MIB1: variants seen among roughly 807,000 people sequenced by gnomAD.
MIB1 encodes E3 ubiquitin-protein ligase MIB1.
MIB1 carries 278 observed loss-of-function variants against 124.5 expected under a neutral mutation model. That is an observed-to-expected ratio of 2.23 (90% confidence interval 2.02 to 2.47). MIB1 has a LOEUF of 2.47. MIB1 is among the 30% of genes most tolerant of loss of function. The probability of loss-of-function intolerance (pLI) is 0.00; values close to 1 mark genes in which losing one functional copy is unlikely to be tolerated. For missense variants in MIB1, 957 were observed against 1,254.4 expected, an observed-to-expected ratio of 0.76 and a Z score of 3.58; for synonymous variants, 446 against 429.4, an observed-to-expected ratio of 1.04 and a Z score of -0.48.
chr18:21,863,193 A>T (rs557254742), intron 20 of MIB1, among the ~76,000 whole-genome samples: 1 of 152,206 alleles, frequency 6.6e-6, no homozygotes, highest in Non-Finnish European at 1.5e-5. Context: ...TGCGACTCCA[A>T]AGCCCCTGAG....
At chr18:21,840,698 G>C (rs2042080622) in intron 13 of MIB1, among the ~76,000 whole-genome samples, 1 of 148,182 alleles carries the variant, frequency 6.7e-6, no homozygotes, top group Non-Finnish European at 1.5e-5. Flanking sequence ...TGGGTGTGGT[G>C]GCATGTGCCT....
chr18:21,717,416 G>C (rs928987694), intron 1 of MIB1, among the ~76,000 whole-genome samples: 2 of 152,148 alleles, frequency 1.3e-5, no homozygotes, highest in African/African-American at 4.8e-5. Flanking sequence ...AAACTAAAGA[G>C]CTTTTGCACA....
chr18:21,750,503 A>G (rs2040962546), intron 1 of MIB1, among the ~76,000 whole-genome samples: 2 of 151,856 alleles, frequency 1.3e-5, no homozygotes, highest in Admixed American at 1.3e-4. Flanking sequence ...AACTTTTCAT[A>G]TTTTTAGTAG....
At chr18:21,846,259 T>C (rs2042133553) in intron 15 of MIB1, among the ~76,000 whole-genome samples, 1 of 152,202 alleles carries the variant, frequency 6.6e-6, no homozygotes, top group African/African-American at 2.4e-5. Context: ...ATGGGTAAGT[T>C]CTCTTAGCTC....
Position 21,791,335 on chromosome 18 carries a change from C to T in MIB1, c.909-39C>T, listed in dbSNP as rs111641172. On this transcript the variant is annotated intron_variant, in intron 6 of 20. Coordinates refer to ENST00000261537, the MANE Select transcript of MIB1 (RefSeq NM_020774.4). ...TTAAGAATTTTGTATTAAAATTAAG[C>T]AAAGCTACCCATTTTGAGGTTTAGC... 134 of 1,521,246 alleles carry T rather than the reference C, an allele frequency of 8.8e-5. 2 individuals carry two copies. The African/African-American group carries it at 1.6e-3, about 18-fold the overall frequency. The allele number at this position is 1,521,246 out of a possible 1,614,324, so 94.2% of individuals were successfully genotyped here.
intron 10 of MIB1, among the ~76,000 whole-genome samples, chr18:21,807,117 A>T (rs1330675232): frequency 6.6e-6 from 1 of 152,208 alleles, no homozygotes; most frequent in Non-Finnish European, 1.5e-5. Flanking sequence ...AGGAAAAACT[A>T]TATTGAAAAA....
chr18:21,759,557 A>T (rs535859020), intron 1 of MIB1, among the ~76,000 whole-genome samples: 5 of 152,192 alleles, frequency 3.3e-5, no homozygotes, highest in Admixed American at 2.0e-4. Flanking sequence ...TTCCATATTT[A>T]AAAAAATTCA....
At chr18:21,722,453 C>T (rs2040720045) in intron 1 of MIB1, among the ~76,000 whole-genome samples, 1 of 152,004 alleles carries the variant, frequency 6.6e-6, no homozygotes, top group Admixed American at 6.6e-5. Flanking sequence ...TCACTGCAAC[C>T]TCCACCTCCT....
Position 21,815,619 on chromosome 18 carries a change from A to G in MIB1, c.1483A>G (p.Lys495Glu), listed in dbSNP as rs2041822494. 6.2e-7 allele frequency: 1 copy of G among 1,613,248 alleles called. No individual in the cohort carries two copies. The highest frequency in any genetic ancestry group is 1.3e-5 in the African/African-American group (1 of 74,918). The change falls in exon 11 of 21, where the codon AAA becomes GAA. Residue 495 changes from lysine to glutamate, a missense_variant. By Grantham distance (56) the Lys-to-Glu change is moderately conservative (BLOSUM62 1). Coordinates refer to ENST00000261537, the MANE Select transcript of MIB1 (RefSeq NM_020774.4). ...ACATTTCAATACTAATGATTAGGAT[A>G]AAGATGGTGATAGAGCAGTTCACCA... Reference protein sequence around the residue: ...KQNVDVEAEDKDGDRAVHHAA... With the variant: ...KQNVDVEAEDEDGDRAVHHAA...
intron 12 of MIB1, among the ~76,000 whole-genome samples, chr18:21,822,802 T>C (rs1300882886): frequency 6.6e-6 from 1 of 152,198 alleles, no homozygotes; most frequent in Non-Finnish European, 1.5e-5. Context: ...TTTTGGCCTT[T>C]ATACTATAGA....
At chr18:21,830,574 A>G (rs2146491466) in intron 12 of MIB1, 1 of 152,316 alleles carries the variant, frequency 6.6e-6, no homozygotes, top group Non-Finnish European at 1.5e-5. Context: ...GCATGCAGAA[A>G]GTCATAAGCA....
At chr18:21,856,957 G>C (rs1415761529) in intron 18 of MIB1, among the ~76,000 whole-genome samples, 173 bp from the exon 19 acceptor site, 1 of 152,212 alleles carries the variant, frequency 6.6e-6, no homozygotes, top group Non-Finnish European at 1.5e-5. Flanking sequence ...GCTACCGATG[G>C]AGAATACTCA....
chr18:21,773,898 G>A (rs1395847102), intron 4 of MIB1, among the ~76,000 whole-genome samples, 170 bp downstream of exon 4: 2 of 152,096 alleles, frequency 1.3e-5, no homozygotes, highest in African/African-American at 4.8e-5. Context: ...TTAGTTTAAT[G>A]TTTGAGTACC....
chr18:21,757,250 G>T (rs574670621), intron 1 of MIB1, among the ~76,000 whole-genome samples: 1 of 151,408 alleles, frequency 6.6e-6, no homozygotes, highest in Non-Finnish European at 1.5e-5. Context: ...TCAGGAGTTC[G>T]AGACCAGCCT....
chr18:21,734,782 G>C lies in MIB1; in HGVS notation n.167+29659G>C, dbSNP rs151009835. 2.9e-3 allele frequency among the ~76,000 whole-genome samples: 436 copies of C among 152,180 alleles called. 1 individual carries two copies. The highest frequency in any genetic ancestry group is 9.5e-3 in the African/African-American group (396 of 41,504). On this transcript the variant is annotated intron_variant and non_coding_transcript_variant, in intron 1 of 20. Transcript: ENST00000578646. The stretch of plus-strand genomic sequence containing the variant: ...GACCTCAAATGATCCATCCGCCTCG[G>C]CCTCCCACAGTGCTGGGATTACAGG...
At chr18:21,709,103 T>C (rs1221463717) in intron 1 of MIB1, among the ~76,000 whole-genome samples, 2 of 151,956 alleles carry the variant, frequency 1.3e-5, no homozygotes, top group African/African-American at 4.8e-5. Context: ...GATCACGAGG[T>C]CAGGAGATCG....
chr18:21,809,693 A>C (rs148210536), intron 10 of MIB1, among the ~76,000 whole-genome samples: 300 of 152,268 alleles, frequency 2.0e-3, no homozygotes, highest in Middle Eastern at 3.4e-3. Flanking sequence ...CATTTGACAT[A>C]ATTTAACACC....
intron 3 of MIB1, among the ~76,000 whole-genome samples, chr18:21,772,583 T>A (rs572741544): frequency 3.3e-5 from 5 of 152,304 alleles, no homozygotes; most frequent in African/African-American, 9.6e-5. Context: ...TCTGAAAAAA[T>A]TTGAAATCTA....
At chr18:21,821,528 C>T (rs1468855616) in intron 12 of MIB1, among the ~76,000 whole-genome samples, 1 of 151,986 alleles carries the variant, frequency 6.6e-6, no homozygotes. Flanking sequence ...CCAGAGCTAC[C>T]TCCTGTGTCA....
Sources: allele counts gnomAD v4.1 joint callset (sites outside exome capture counted in the v4.1 genomes callset), GRCh38; gene constraint gnomAD v4.1.1; transcripts MANE v1.5; gene names NCBI Gene and HGNC (gene_info 2026-07-23, HGNC 2026-07-21).